The following ARHGAP12 variants were observed in gnomAD, a reference collection of about 807,000 sequenced individuals.
ARHGAP12 encodes the protein Rho GTPase activating protein 12, also known as rho GTPase-activating protein 12.
In ARHGAP12, 64 loss-of-function variants were observed where a neutral mutation model predicts 108.6. That is an observed-to-expected ratio of 0.59 (90% CI 0.48 to 0.73). ARHGAP12 has a LOEUF of 0.73. Among genes scored for constraint, ARHGAP12 ranks in the 30% least tolerant of loss-of-function variants. ARHGAP12 has a pLI of 0.00. For synonymous variants in ARHGAP12, 312 were observed against 337.2 expected, an observed-to-expected ratio of 0.93 and a Z score of 0.82; for missense variants, 940 against 1,005.9, an observed-to-expected ratio of 0.93 and a Z score of 0.89.
chr10:31,879,533 G>C (rs2132359323), intron 3 of ARHGAP12, among the ~76,000 whole-genome samples: 1 of 152,242 alleles, frequency 6.6e-6, no homozygotes, highest in East Asian at 1.9e-4. Flanking sequence ...TCAAGTCAAA[G>C]AGACAAAATA....
intron 8 of ARHGAP12, 137 bp downstream of exon 8, chr10:31,839,495 CTTATT>C (rs1392177121): frequency 9.0e-7 from 1 of 1,110,534 alleles, no homozygotes; most frequent in Non-Finnish European, 1.2e-6. Flanking sequence ...GATTGTTAAA[CTTATT>C]TTGATTGTGA....
chr10:31,850,821 C>T (rs1266485632), intron 6 of ARHGAP12, among the ~76,000 whole-genome samples: 1 of 152,068 alleles, frequency 6.6e-6, no homozygotes, highest in Non-Finnish European at 1.5e-5. Flanking sequence ...GGCACAACTT[C>T]AAAGTTTCAA....
At chr10:31,811,542 CTTTT>C (rs34453459) in intron 15 of ARHGAP12, among the ~76,000 whole-genome samples, 133 of 136,032 alleles carry the variant, frequency 9.8e-4, no homozygotes, top group Non-Finnish European at 1.5e-3. Context: ...ATTTGCCAGG[CTTTT>C]TTTTTTTTTT....
At chr10:31,903,377 CATT>C (rs1839004485) in intron 3 of ARHGAP12, among the ~76,000 whole-genome samples, 2 of 152,168 alleles carry the variant, frequency 1.3e-5, no homozygotes, top group African/African-American at 4.8e-5. Context: ...TGCAGTCCAT[CATT>C]GACTGAAATG....
Position 31,922,124 on chromosome 10 carries a change from C to G in ARHGAP12, c.-111+6559G>C, listed in dbSNP as rs1053244865. ...TGTGTCCAGGAGGCAAAGGCTGCAGCGAGCTGAGATCATGCCATTGCACTC... is the reference window on the plus strand; with the variant it reads ...TGTGTCCAGGAGGCAAAGGCTGCAGGGAGCTGAGATCATGCCATTGCACTC... On this transcript the variant is annotated intron_variant, in intron 1 of 19. Coordinates refer to ENST00000344936, the MANE Select transcript of ARHGAP12 (RefSeq NM_018287.7). Among the ~76,000 whole-genome samples, 3 of 134,578 alleles carry G rather than the reference C, an allele frequency of 2.2e-5. No homozygotes were observed. The Admixed American group carries it at 2.5e-4, about 11-fold the overall frequency. 88.3% of individuals were successfully genotyped at this position (134,578 alleles called of 152,430 possible). A position where few individuals can be genotyped will look rare whatever the true frequency, so the allele number is the denominator to read the frequency against.
chr10:31,851,325 C>G (rs1306692290), intron 6 of ARHGAP12, among the ~76,000 whole-genome samples: 2 of 152,164 alleles, frequency 1.3e-5, no homozygotes, highest in African/African-American at 4.8e-5. Context: ...TCAAAAAATG[C>G]TTATCTGAAG....
In ARHGAP12 at chr10:31,928,776, C is replaced by G. The variant is rs901670503; in HGVS notation, c.-204G>C. 6.6e-6 allele frequency: 1 copy of G among 151,958 alleles called. No homozygotes were observed. The highest frequency in any genetic ancestry group is 1.5e-5 in the Non-Finnish European group (1 of 67,978). 9.4% of individuals were successfully genotyped at this position (151,958 alleles called of 1,614,324 possible). ...GCGAGCCCGAAGAGCGTTCACACGG[C>G]TACGGCCGCGGCCGGCCCGTCCCCG... On this transcript the variant is annotated 5_prime_UTR_variant, in exon 1 of 20. Coordinates refer to ENST00000344936, the MANE Select transcript of ARHGAP12 (RefSeq NM_018287.7).
intron 13 of ARHGAP12, among the ~76,000 whole-genome samples, chr10:31,814,794 T>A (rs549507444): frequency 6.6e-6 from 1 of 152,162 alleles, no homozygotes; most frequent in Admixed American, 6.5e-5. Context: ...GACTCATACT[T>A]CAGATTCACG....
intron 3 of ARHGAP12, among the ~76,000 whole-genome samples, chr10:31,886,240 CAG>C (rs1185848059): frequency 2.6e-5 from 4 of 152,114 alleles, no homozygotes; most frequent in African/African-American, 4.8e-5. Flanking sequence ...AGAAAGAAAA[CAG>C]GGTGAAAACA....
intron 1 of ARHGAP12, among the ~76,000 whole-genome samples, chr10:31,919,238 G>A (rs531412901): frequency 5.1e-4 from 77 of 152,288 alleles, no homozygotes; most frequent in African/African-American, 1.7e-3. Context: ...GCAACAGGAA[G>A]TTACTGCTTA....
At chr10:31,819,990 T>C (rs1835347465) in intron 12 of ARHGAP12, among the ~76,000 whole-genome samples, 1 of 151,858 alleles carries the variant, frequency 6.6e-6, no homozygotes, top group African/African-American at 2.4e-5. Flanking sequence ...TTAGACCAGT[T>C]TTTGGTTCCA....
chr10:31,906,591 T>C (rs1281828532), intron 3 of ARHGAP12, among the ~76,000 whole-genome samples: 1 of 151,956 alleles, frequency 6.6e-6, no homozygotes, highest in African/African-American at 2.4e-5. Context: ...CAGGGGAAAA[T>C]AAGTGAAACA....
chr10:31,893,721 A>G (rs1838553995), intron 3 of ARHGAP12, among the ~76,000 whole-genome samples: 5 of 152,220 alleles, frequency 3.3e-5, no homozygotes, highest in Admixed American at 2.0e-4. Flanking sequence ...ACAGAAAAAG[A>G]GGGAATCCTC....
intron 4 of ARHGAP12, among the ~76,000 whole-genome samples, chr10:31,856,825 A>C (rs1347535874): frequency 1.3e-5 from 2 of 152,224 alleles, no homozygotes; most frequent in African/African-American, 4.8e-5. Flanking sequence ...AACTTTATAC[A>C]TAGAAACTAA....
intron 7 of ARHGAP12, among the ~76,000 whole-genome samples, chr10:31,842,266 C>A (rs1012491933): frequency 6.6e-6 from 1 of 151,972 alleles, no homozygotes; most frequent in Admixed American, 6.6e-5. Flanking sequence ...TGGGAGATTC[C>A]TATTTATCCT....
At chr10:31,837,369 A>C (rs2132222249) in intron 9 of ARHGAP12, among the ~76,000 whole-genome samples, 1 of 152,310 alleles carries the variant, frequency 6.6e-6, no homozygotes, top group African/African-American at 2.4e-5. Flanking sequence ...TGTGCAAATA[A>C]TGCAAAAGAT....
In ARHGAP12 at chr10:31,805,646, CTTCACA is replaced by C. The variant is rs1564359548; in HGVS notation, c.*2006_*2011del. 2.9e-5 allele frequency: 2 copies of C among 68,766 alleles called. No individual in the cohort carries two copies. Among genetic ancestry groups the C allele is most frequent in the Non-Finnish European group, 5.2e-5 (2 of 38,098 alleles). The allele number at this position is 68,766 out of a possible 1,614,324, so 4.3% of individuals were successfully genotyped here. A position where few individuals can be genotyped will look rare whatever the true frequency, so the allele number is the denominator to read the frequency against. On this transcript the variant is annotated 3_prime_UTR_variant, in exon 20 of 20. Transcript: ENST00000344936. ...CTGTAGACTAATAAAACATTTAAGA[CTTCACA>C]CACACACACACACACACACACACAC...
At chr10:31,808,839 T>C (rs995055508) in intron 18 of ARHGAP12, 88 bp from the exon 19 acceptor site, 13 of 1,426,272 alleles carry the variant, frequency 9.1e-6, no homozygotes, top group Non-Finnish European at 1.1e-5. Context: ...TATTTGGTAA[T>C]ACACAGTGAC....
intron 6 of ARHGAP12, among the ~76,000 whole-genome samples, chr10:31,846,655 T>A (rs1167885661): frequency 6.6e-6 from 1 of 151,936 alleles, no homozygotes; most frequent in Non-Finnish European, 1.5e-5. Context: ...GGAGGGAGGG[T>A]CTTTAGTTTT....
Sources: allele counts gnomAD v4.1 joint callset (sites outside exome capture counted in the v4.1 genomes callset), GRCh38; gene constraint gnomAD v4.1.1; transcripts MANE v1.5; gene names NCBI Gene and HGNC (gene_info 2026-07-23, HGNC 2026-07-21).